Variants in CACNB4 observed in about 807,000 individuals in gnomAD.
The protein encoded by CACNB4 is voltage-dependent L-type calcium channel subunit beta-4.
In CACNB4, 32 loss-of-function variants were observed where a neutral mutation model predicts 71.2. The observed-to-expected ratio is 0.45, with a 90% confidence interval of 0.34 to 0.60. The LOEUF is 0.60. CACNB4 is among the 20% of genes least tolerant of loss of function. CACNB4 has a pLI of 0.01. For missense variants in CACNB4, 464 were observed against 647.9 expected, an observed-to-expected ratio of 0.72 and a Z score of 3.08; for synonymous variants, 231 against 236.9, an observed-to-expected ratio of 0.97 and a Z score of 0.23.
At position 151,995,537 on chromosome 2, in the gene CACNB4, C is replaced by G. The variant is rs568115198; in HGVS notation, c.147+102793G>C. On this transcript the variant is annotated intron_variant, in intron 2 of 13. Coordinates refer to ENST00000539935, the MANE Select transcript of CACNB4 (RefSeq NM_000726.5). ...CCTGGCTAACACAGTGAAACCCCGTCTCTACTAAAAATGCAAAAACAATTA... is the reference window on the plus strand; with the variant it reads ...CCTGGCTAACACAGTGAAACCCCGTGTCTACTAAAAATGCAAAAACAATTA... Among the ~76,000 whole-genome samples the G allele has an allele frequency of 1.3e-4, 20 of 152,300 alleles. No individual in the cohort carries two copies. The South Asian group carries it at 3.7e-3, about 28-fold the overall frequency.
At chr2:151,898,307 G>C (rs2099852574) in intron 2 of CACNB4, among the ~76,000 whole-genome samples, 2 of 152,298 alleles carry the variant, frequency 1.3e-5, no homozygotes, top group African/African-American at 4.8e-5. Flanking sequence ...GCTGTGGGTT[G>C]CCCCTCCTCT....
At chr2:151,913,666 T>A (rs967541290) in intron 2 of CACNB4, among the ~76,000 whole-genome samples, 3 of 147,106 alleles carry the variant, frequency 2.0e-5, no homozygotes, top group Non-Finnish European at 3.0e-5. Context: ...CTCAGGAGGC[T>A]GAGGCAGGCG....
chr2:151,971,472 A>G, intron 2 of CACNB4: 1 of 702,424 alleles, frequency 1.4e-6, no homozygotes. Context: ...CATCTGAGAA[A>G]AGCCTTTCCA....
rs190977923 is a variant in CACNB4, at chr2:152,014,781, A to G, written c.147+83549T>C. On this transcript the variant is annotated intron_variant, in intron 2 of 13. Transcript: ENST00000539935. ...AATTAATATGGAAAAACTGTCTTAAAAAAAAGTCTTGTTGGCCATTTTCAT... is the reference window on the plus strand; with the variant it reads ...AATTAATATGGAAAAACTGTCTTAAGAAAAAGTCTTGTTGGCCATTTTCAT... Among the ~76,000 whole-genome samples the G allele has an allele frequency of 7.5e-4, 114 of 152,294 alleles. No homozygotes were observed. The East Asian group carries it at 8.7e-3, about 12-fold the overall frequency.
chr2:152,045,078 T>C (rs1685082239), intron 2 of CACNB4, among the ~76,000 whole-genome samples: 2 of 152,180 alleles, frequency 1.3e-5, no homozygotes, highest in African/African-American at 4.8e-5. Context: ...AAAAAAATGA[T>C]TGCCACCACA....
At chr2:151,949,526 T>G (rs2099866388) in intron 2 of CACNB4, among the ~76,000 whole-genome samples, 1 of 151,908 alleles carries the variant, frequency 6.6e-6, no homozygotes, top group Non-Finnish European at 1.5e-5. Flanking sequence ...GGCAAGAAGG[T>G]ATAAAACAGC....
chr2:151,863,168 C>T (rs780328556), intron 9 of CACNB4, among the ~76,000 whole-genome samples: 51 of 151,938 alleles, frequency 3.4e-4, no homozygotes, highest in African/African-American at 9.4e-4. Flanking sequence ...CAGTTTCAAG[C>T]GATCCTCCCA....
chr2:151,880,449 G>A (rs72997443), intron 4 of CACNB4: 6,485 of 320,444 alleles, frequency 0.02, 415 homozygotes, highest in African/African-American at 0.14. Context: ...CTTCTGGGTA[G>A]GTGCCATGAC....
chr2:151,924,419 CAATAT>C (rs1560005087), intron 2 of CACNB4, among the ~76,000 whole-genome samples: 4 of 151,086 alleles, frequency 2.6e-5, no homozygotes, highest in Non-Finnish European at 5.9e-5. Context: ...TACTACTATA[CAATAT>C]AATTTATATT....
At chr2:151,864,376 C>T (rs754204440) in intron 9 of CACNB4, among the ~76,000 whole-genome samples, 29 of 152,140 alleles carry the variant, frequency 1.9e-4, no homozygotes, top group Admixed American at 9.2e-4. Flanking sequence ...TGCAATCCAT[C>T]GTGAGTTGTA....
At chr2:152,067,398 G>A (rs1686407849) in intron 2 of CACNB4, among the ~76,000 whole-genome samples, 2 of 150,212 alleles carry the variant, frequency 1.3e-5, no homozygotes, top group Admixed American at 1.3e-4. Context: ...TGGGGGGGGG[G>A]GTGCCTCTCA....
chr2:151,915,844 T>A (rs1278088279), intron 2 of CACNB4, among the ~76,000 whole-genome samples: 1 of 39,336 alleles, frequency 2.5e-5, no homozygotes, highest in South Asian at 6.1e-4. Context: ...CGAAGCTCCA[T>A]CTCAAAAAAA....
intron 2 of CACNB4, among the ~76,000 whole-genome samples, chr2:151,980,922 T>G (rs1306436402): frequency 6.6e-6 from 1 of 152,172 alleles, no homozygotes; most frequent in Non-Finnish European, 1.5e-5. Context: ...TTTTTAGTGT[T>G]GAGGACAAGA....
intron 2 of CACNB4, among the ~76,000 whole-genome samples, chr2:151,991,456 C>T (rs1357905644): frequency 6.6e-6 from 1 of 152,196 alleles, no homozygotes; most frequent in Non-Finnish European, 1.5e-5. Flanking sequence ...AGATGGAGCA[C>T]TGAGCCAGAT....
chr2:152,097,924 C>G (rs1688360268), intron 2 of CACNB4, among the ~76,000 whole-genome samples: 1 of 152,254 alleles, frequency 6.6e-6, no homozygotes. Context: ...GAAGAAACCA[C>G]TAAATCTCAA....
chr2:151,905,099 G>T (rs1024157994), intron 2 of CACNB4, among the ~76,000 whole-genome samples: 2 of 152,162 alleles, frequency 1.3e-5, no homozygotes, highest in African/African-American at 4.8e-5. Context: ...GTTCAAGTGC[G>T]TGCCAGGATA....
intron 2 of CACNB4, among the ~76,000 whole-genome samples, chr2:152,063,050 C>T (rs1350230518): frequency 2.6e-5 from 4 of 152,150 alleles, no homozygotes; most frequent in African/African-American, 9.7e-5. Context: ...CTGCTCCATA[C>T]TAAGGAATTC....
At chr2:152,090,997 T>C (rs899850003) in intron 2 of CACNB4, among the ~76,000 whole-genome samples, 2 of 151,792 alleles carry the variant, frequency 1.3e-5, no homozygotes, top group South Asian at 2.1e-4. Context: ...TGAGCTGAGA[T>C]TGGGCCACTG....
At chr2:151,904,050 T>C (rs1308568681) in intron 2 of CACNB4, among the ~76,000 whole-genome samples, 1 of 152,204 alleles carries the variant, frequency 6.6e-6, no homozygotes, top group East Asian at 1.9e-4. Context: ...CTAAAAAATG[T>C]ATGGCATTTT....
Sources: allele counts gnomAD v4.1 joint callset (sites outside exome capture counted in the v4.1 genomes callset), GRCh38; gene constraint gnomAD v4.1.1; transcripts MANE v1.5; gene names NCBI Gene and HGNC (gene_info 2026-07-23, HGNC 2026-07-21).